Variants in MEF2A observed in about 807,000 individuals in gnomAD.
MEF2A encodes the protein myocyte-specific enhancer factor 2A.
Under a neutral mutation model 55.8 loss-of-function variants are expected in MEF2A, and 28 were observed. That is an observed-to-expected ratio of 0.50 (90% confidence interval 0.37 to 0.69). The LOEUF (loss-of-function observed/expected upper bound fraction) is 0.69, where lower values mean the gene tolerates loss of function less well. Among genes scored for constraint, MEF2A ranks in the 30% least tolerant of loss-of-function variants. MEF2A has a pLI of 0.00. For missense variants in MEF2A, 528 were observed against 626.2 expected, an observed-to-expected ratio of 0.84 and a Z score of 1.67; for synonymous variants, 239 against 227.1, an observed-to-expected ratio of 1.05 and a Z score of -0.47.
In MEF2A at chr15:99,700,563, T is replaced by A. The variant is rs140045708; in HGVS notation, c.859-2799T>A. On this transcript the variant is annotated intron_variant, in intron 8 of 11. Coordinates refer to ENST00000557942, the MANE Select transcript of MEF2A (RefSeq NM_001319206.4). ...TGTACATATGAATTAGTATACATCA[T>A]ATATTTCCTAGCTCTGTTTGCTGAG... is the stretch of plus-strand genomic sequence containing the variant. Among the ~76,000 whole-genome samples, 455 of 152,194 alleles carry A rather than the reference T, an allele frequency of 3.0e-3. 4 individuals carry two copies. Among genetic ancestry groups the A allele is most frequent in the African/African-American group, 0.01 (424 of 41,538 alleles).
At chr15:99,690,029 C>T (rs1366918213) in intron 7 of MEF2A, among the ~76,000 whole-genome samples, 1 of 152,148 alleles carries the variant, frequency 6.6e-6, no homozygotes, top group Non-Finnish European at 1.5e-5. Flanking sequence ...TTTGGATTTT[C>T]AGGTTTAGGG....
intron 4 of MEF2A, among the ~76,000 whole-genome samples, chr15:99,667,790 C>G (rs2050087110): frequency 6.6e-6 from 1 of 152,180 alleles, no homozygotes; most frequent in African/African-American, 2.4e-5. Context: ...GCATTACTCT[C>G]ACTTTTCTAC....
At chr15:99,660,817 A>G (rs1243471698) in intron 4 of MEF2A, among the ~76,000 whole-genome samples, 1 of 152,218 alleles carries the variant, frequency 6.6e-6, no homozygotes, top group Admixed American at 6.5e-5. Flanking sequence ...CTCAAATTAT[A>G]TATATCTGTG....
At chr15:99,642,197 G>C (rs1288183217) in intron 3 of MEF2A, among the ~76,000 whole-genome samples, 1 of 152,034 alleles carries the variant, frequency 6.6e-6, no homozygotes, top group Non-Finnish European at 1.5e-5. Flanking sequence ...TTTGAATGTT[G>C]CCAGAATTCT....
chr15:99,703,788 G>T (rs1022278279), intron 9 of MEF2A, among the ~76,000 whole-genome samples: 11 of 152,202 alleles, frequency 7.2e-5, no homozygotes, highest in African/African-American at 2.4e-4. Flanking sequence ...CTTTCAAAAA[G>T]ATTACATCAT....
chr15:99,598,523 T>G lies in MEF2A; in HGVS notation c.-143+12T>G, dbSNP rs1971981550. On this transcript the variant is annotated intron_variant, in intron 2 of 11. Coordinates refer to ENST00000557942, the MANE Select transcript of MEF2A (RefSeq NM_001319206.4). ...ATACTTCATTTCTAGTAAGACATTT[T>G]TTCTTTTCTATGTTAAGTAGATACA... 1 of 152,198 alleles carries G rather than the reference T, an allele frequency of 6.6e-6. No homozygotes were observed. Among genetic ancestry groups the G allele is most frequent in the African/African-American group, 2.4e-5 (1 of 41,456 alleles). 9.4% of individuals were successfully genotyped at this position (152,198 alleles called of 1,614,324 possible).
intron 1 of MEF2A, among the ~76,000 whole-genome samples, chr15:99,589,100 C>T (rs1335742228): frequency 6.6e-6 from 1 of 152,104 alleles, no homozygotes; most frequent in African/African-American, 2.4e-5. Flanking sequence ...AAAGTGTGTC[C>T]TCTCCTTCTG....
intron 3 of MEF2A, among the ~76,000 whole-genome samples, chr15:99,637,854 A>T (rs779583163): frequency 6.6e-6 from 1 of 152,162 alleles, no homozygotes; most frequent in Non-Finnish European, 1.5e-5. Flanking sequence ...GGTGTCAGCC[A>T]GGATGGTCTT....
chr15:99,658,483 C>T (rs112594328), intron 4 of MEF2A, among the ~76,000 whole-genome samples: 4 of 151,878 alleles, frequency 2.6e-5, no homozygotes, highest in South Asian at 2.1e-4. Context: ...TTGTAGAAGA[C>T]GGAAACAGAG....
chr15:99,710,740 A>G lies in MEF2A; in HGVS notation c.1116A>G (p.Gln372=). 1 of 1,608,080 alleles carries G rather than the reference A, an allele frequency of 6.2e-7. No individual in the cohort carries two copies. The highest frequency in any genetic ancestry group is 8.5e-7 in the Non-Finnish European group (1 of 1,174,906). Residue 372 remains glutamine (Q), a synonymous_variant, in exon 11 of 12, where the codon CAA becomes CAG. Coordinates refer to ENST00000557942, the MANE Select transcript of MEF2A (RefSeq NM_001319206.4). The stretch of plus-strand genomic sequence containing the variant: ...CCTGGCAGCAGCACCACCTAGGACA[A>G]GCAGCCCTCAGCTCTCTTGTGTGAG... ...VSAWQQHHLG[Q]AALSSLVAGG...
chr15:99,706,649 AT>A (rs2058072305), intron 9 of MEF2A, 79 bp from the exon 10 acceptor site: 79 of 1,509,324 alleles, frequency 5.2e-5, no homozygotes, highest in Non-Finnish European at 6.9e-5. Context: ...ACTGTGAAAA[AT>A]GTCACTTAAA....
chr15:99,700,709 A>T (rs2057293001), intron 8 of MEF2A, among the ~76,000 whole-genome samples: 1 of 152,156 alleles, frequency 6.6e-6, no homozygotes, highest in African/African-American at 2.4e-5. Flanking sequence ...TTTGTTGTAG[A>T]GCTGGGGCAG....
chr15:99,666,612 A>ATAATAATAAT (rs1567374687), intron 4 of MEF2A, among the ~76,000 whole-genome samples: 4 of 149,400 alleles, frequency 2.7e-5, no homozygotes, highest in Admixed American at 6.7e-5. Context: ...AATAATAATA[A>ATAATAATAAT]AAAGATCAGC....
At chr15:99,695,541 T>TTGTGTGTGTGTGTGTGTGTGTGTG (rs3979129) in intron 8 of MEF2A, among the ~76,000 whole-genome samples, 2,346 of 144,806 alleles carry the variant, frequency 0.016, 38 homozygotes, top group South Asian at 0.034. Context: ...ATTGTCAGAT[T>TTGTGTGTGTGTGTGTGTGTGTGTG]TGTGTGTGTG....
chr15:99,712,995 G>C lies in MEF2A; in HGVS notation c.*224G>C, dbSNP rs2058832757. On this transcript the variant is annotated 3_prime_UTR_variant, in exon 12 of 12. Transcript: ENST00000557942. The surrounding 1 kb of genome is among the most constrained non-coding windows in gnomAD (Gnocchi z 4.1). ...ACTCCTTGTAGGTCTGCAGATGTGT[G>C]TCCCATGGCAGACAAAGCACCCTGT... The C allele has an allele frequency of 1.8e-6, 1 of 560,628 alleles. No individual in the cohort carries two copies. The highest frequency in any genetic ancestry group is 3.1e-6 in the Non-Finnish European group (1 of 323,220). The allele number at this position is 560,628 out of a possible 1,614,324, so 34.7% of individuals were successfully genotyped here.
Position 99,674,604 on chromosome 15 carries a change from G to T in MEF2A, c.602G>T (p.Gly201Val). Residue 201 changes from glycine (G) to valine (V), a missense_variant, in exon 6 of 12, where the codon GGC becomes GTC. Transcript: ENST00000557942. ...GCTCCTCAGAGACCACCAAGTACTG[G>T]CAATGCAGGTATGTAGTGATACCTA... ...PGAPQRPPST[G>V]NAGGMLSTTD... 2 of 1,612,838 alleles carry T rather than the reference G, an allele frequency of 1.2e-6. No homozygotes were observed. The highest frequency in any genetic ancestry group is 8.5e-7 in the Non-Finnish European group (1 of 1,178,906).
chr15:99,610,448 A>C (rs1467004315), intron 2 of MEF2A, among the ~76,000 whole-genome samples: 2 of 93,492 alleles, frequency 2.1e-5, no homozygotes, highest in Non-Finnish European at 3.8e-5. Flanking sequence ...AAATTGACAA[A>C]CTGATCCTAA....
intron 2 of MEF2A, among the ~76,000 whole-genome samples, chr15:99,601,208 G>T (rs1972833658): frequency 6.6e-6 from 1 of 152,112 alleles, no homozygotes; most frequent in Non-Finnish European, 1.5e-5. Flanking sequence ...AGTCTACAGA[G>T]ATAGAATTGA....
chr15:99,656,305 A>C (rs1055259926), intron 4 of MEF2A, among the ~76,000 whole-genome samples: 1 of 152,128 alleles, frequency 6.6e-6, no homozygotes, highest in African/African-American at 2.4e-5. Flanking sequence ...TAGAGAAGTA[A>C]ATGTACTTAA....
Sources: allele counts gnomAD v4.1 joint callset (sites outside exome capture counted in the v4.1 genomes callset), GRCh38; gene constraint gnomAD v4.1.1; non-coding constraint Gnocchi (gnomAD v3.1); transcripts MANE v1.5; gene names NCBI Gene and HGNC (gene_info 2026-07-23, HGNC 2026-07-21).